Variants in PRIM2 observed in about 807,000 individuals in gnomAD.
The protein encoded by PRIM2 is DNA primase subunit 2, also known as DNA primase large subunit.
In PRIM2, 39 loss-of-function variants were observed where a neutral mutation model predicts 67.3. The observed-to-expected ratio is 0.58, with a 90% confidence interval of 0.45 to 0.76. The LOEUF (loss-of-function observed/expected upper bound fraction) is 0.76, where lower values mean the gene tolerates loss of function less well. Ranked by LOEUF, PRIM2 falls within the 30% of genes least tolerant of loss-of-function variation. The pLI, the probability that PRIM2 is intolerant of heterozygous loss-of-function variation, is 0.00. For missense variants in PRIM2, 398 were observed against 598.7 expected (o/e 0.66, Z 3.50); for synonymous variants, 143 against 198.7 (o/e 0.72, Z 2.36).
chr6:57,643,687 A>G (rs1371135171), intron 13 of PRIM2, among the ~76,000 whole-genome samples: 1 of 152,258 alleles, frequency 6.6e-6, no homozygotes, highest in South Asian at 2.1e-4. Flanking sequence ...GTAATAAAAA[A>G]GTTCACAAAT....
chr6:57,465,671 T>G (rs1442075096), intron 7 of PRIM2, among the ~76,000 whole-genome samples: 2 of 152,102 alleles, frequency 1.3e-5, no homozygotes, highest in Non-Finnish European at 2.9e-5. Flanking sequence ...GTCCCTCAAA[T>G]GTAAGAAGGG....
intron 5 of PRIM2, among the ~76,000 whole-genome samples, chr6:57,339,587 G>C (rs1019085212): frequency 2.0e-4 from 31 of 152,046 alleles, no homozygotes; most frequent in Admixed American, 1.3e-3. Flanking sequence ...AAAAACCTGA[G>C]AAAAACAAGC....
At chr6:57,571,875 T>C (rs1421488737) in intron 10 of PRIM2, among the ~76,000 whole-genome samples, 1 of 152,218 alleles carries the variant, frequency 6.6e-6, no homozygotes, top group Non-Finnish European at 1.5e-5. Context: ...GGCACCTGAA[T>C]TGTTTCAGTC....
intron 8 of PRIM2, among the ~76,000 whole-genome samples, chr6:57,519,389 G>C (rs1774561785): frequency 6.6e-6 from 1 of 152,220 alleles, no homozygotes; most frequent in African/African-American, 2.4e-5. Flanking sequence ...GACCATAAGA[G>C]ATGGCTACGC....
At chr6:57,275,225 A>G in the PRIM2 span, among the ~76,000 whole-genome samples, 7 of 152,176 alleles carry the variant, frequency 4.6e-5, no homozygotes, top group African/African-American at 1.7e-4. Flanking sequence ...AAAGTAGACT[A>G]TGTGGTTGGG....
intron 10 of PRIM2, among the ~76,000 whole-genome samples, chr6:57,575,702 CTTTT>C (rs1284972517): frequency 6.6e-6 from 1 of 151,244 alleles, no homozygotes; most frequent in African/African-American, 2.4e-5. Context: ...TTTAATTAAT[CTTTT>C]TTTTTCTTGA....
At chr6:57,508,413 C>T (rs1260025134) in intron 8 of PRIM2, among the ~76,000 whole-genome samples, 4 of 152,062 alleles carry the variant, frequency 2.6e-5, no homozygotes, top group Admixed American at 6.6e-5. Flanking sequence ...TATATCTGTA[C>T]TATAGCATAT....
At chr6:57,529,560 A>G (rs1244246378) in intron 8 of PRIM2, among the ~76,000 whole-genome samples, 2 of 152,350 alleles carry the variant, frequency 1.3e-5, no homozygotes, top group East Asian at 3.9e-4. Flanking sequence ...TGCTACTGCA[A>G]TTAATGGAAT....
chr6:57,534,502 C>G (rs2127469070), intron 9 of PRIM2, among the ~76,000 whole-genome samples: 1 of 152,202 alleles, frequency 6.6e-6, no homozygotes, highest in Admixed American at 6.5e-5. Context: ...CAGACACTAT[C>G]TTTTTAATTT....
intron 5 of PRIM2, among the ~76,000 whole-genome samples, chr6:57,345,474 A>ATGTGTGTGTGTGTGTG (rs754685184): frequency 1.7e-4 from 21 of 124,630 alleles, no homozygotes; most frequent in African/African-American, 3.2e-4. Flanking sequence ...ATATATATAT[A>ATGTGTGTGTGTGTGTG]TGTGTGTGTG....
chr6:57,380,790 G>A (rs1299662989), intron 6 of PRIM2, among the ~76,000 whole-genome samples: 2 of 148,412 alleles, frequency 1.3e-5, no homozygotes, highest in East Asian at 4.0e-4. Context: ...CACATTTCCA[G>A]TTACTCTGCC....
intron 7 of PRIM2, among the ~76,000 whole-genome samples, chr6:57,403,248 A>ATT (rs1770771181): frequency 2.1e-5 from 3 of 145,662 alleles, no homozygotes; most frequent in African/African-American, 8.0e-5. Flanking sequence ...TCAGGTGAAG[A>ATT]ATTTTTTTTT....
intron 5 of PRIM2, among the ~76,000 whole-genome samples, chr6:57,376,761 A>G (rs1769778026): frequency 6.6e-6 from 1 of 152,272 alleles, no homozygotes; most frequent in African/African-American, 2.4e-5. Flanking sequence ...GGCCTTGCAC[A>G]TATTTTGTTA....
At chr6:57,528,766 C>T (rs1212796947) in intron 8 of PRIM2, among the ~76,000 whole-genome samples, 1 of 152,234 alleles carries the variant, frequency 6.6e-6, no homozygotes, top group East Asian at 1.9e-4. Context: ...GGCTCCTCTA[C>T]AGGATCATGC....
intron 5 of PRIM2, among the ~76,000 whole-genome samples, chr6:57,357,357 T>C (rs1769063600): frequency 6.6e-6 from 1 of 152,186 alleles, no homozygotes; most frequent in African/African-American, 2.4e-5. Context: ...TTGTAATAAG[T>C]TACCTCAAGC....
chr6:57,615,761 A>G (rs1356477492), intron 12 of PRIM2, among the ~76,000 whole-genome samples: 3,981 of 152,080 alleles, frequency 0.026, 65 homozygotes, highest in African/African-American at 0.049. Context: ...AGTTGTGGTG[A>G]TGCACACCTG....
At chr6:57,425,768 G>C (rs1771602170) in intron 7 of PRIM2, among the ~76,000 whole-genome samples, 1 of 152,152 alleles carries the variant, frequency 6.6e-6, no homozygotes, top group African/African-American at 2.4e-5. Context: ...CTGAGGGACA[G>C]AGGGTGGTGG....
rs116636502 is a variant in PRIM2 at position 57,375,553 on chromosome 6, G to C, written c.460-4348G>C. On this transcript the variant is annotated intron_variant, in intron 5 of 13. Coordinates refer to ENST00000615550, the MANE Select transcript of PRIM2 (RefSeq NM_000947.5). ...CCTTTTTTTTGTTGTATCTCCGCCA[G>C]ATTTTGGTATAAGGATGATGCTGAC... 1.8e-3 allele frequency among the ~76,000 whole-genome samples: 273 copies of C among 152,120 alleles called. 3 individuals are homozygous for C. The highest frequency in any genetic ancestry group is 6.2e-3 in the African/African-American group (257 of 41,514).
intron 7 of PRIM2, among the ~76,000 whole-genome samples, chr6:57,442,761 A>C (rs1772239798): frequency 6.6e-6 from 1 of 152,178 alleles, no homozygotes; most frequent in Non-Finnish European, 1.5e-5. Flanking sequence ...TGGAATAATG[A>C]AATCAAGCTA....
Sources: gnomAD v4.1 joint callset for allele counts (sites outside exome capture counted in the v4.1 genomes callset) on GRCh38, gnomAD v4.1.1 for gene constraint, MANE v1.5 for transcripts, NCBI Gene and HGNC (gene_info 2026-07-23, HGNC 2026-07-21) for gene names.